PCCA: variants seen among roughly 807,000 people sequenced by gnomAD.
The protein encoded by PCCA is propionyl-CoA carboxylase subunit alpha.
In PCCA, 74 loss-of-function variants were observed where a neutral mutation model predicts 101.3. The observed-to-expected ratio is 0.73, with a 90% confidence interval of 0.61 to 0.89. PCCA has a LOEUF of 0.89. Among genes scored for constraint, PCCA ranks in the 40% least tolerant of loss-of-function variants. The probability of loss-of-function intolerance (pLI) is 0.00; values close to 1 mark genes in which losing one functional copy is unlikely to be tolerated. For missense variants in PCCA, 891 were observed against 907.0 expected (o/e 0.98, Z 0.23); for synonymous variants, 294 against 313.6 (o/e 0.94, Z 0.66).
chr13:100,506,516 G>C (rs1343913633), intron 21 of PCCA, among the ~76,000 whole-genome samples: 1 of 152,060 alleles, frequency 6.6e-6, no homozygotes, highest in Non-Finnish European at 1.5e-5. Context: ...CTGAATTTCT[G>C]TCCCATAAAG....
Position 100,252,053 on chromosome 13 carries a change from C to T in PCCA, c.638-5542C>T, listed in dbSNP as rs542696906. ...TTTACATTAGAGGAGCACAAAGAAA[C>T]GAAACAAAGCAATGCGTACTATCTA... On this transcript the variant is annotated intron_variant, in intron 8 of 23. Transcript: ENST00000376285. 4.6e-5 allele frequency among the ~76,000 whole-genome samples: 7 copies of T among 152,262 alleles called. No individual in the cohort carries two copies. In the South Asian group the frequency reaches 8.3e-4, roughly 18 times the overall value.
chr13:100,316,129 G>C (rs995652955), intron 16 of PCCA, among the ~76,000 whole-genome samples: 4 of 152,148 alleles, frequency 2.6e-5, no homozygotes, highest in African/African-American at 9.7e-5. Context: ...GGAACAGTTA[G>C]TCGAGGCATA....
intron 20 of PCCA, among the ~76,000 whole-genome samples, chr13:100,432,401 A>C (rs2079622660): frequency 1.3e-5 from 2 of 152,176 alleles, no homozygotes; most frequent in Non-Finnish European, 1.5e-5. Context: ...TTTTTTGTTA[A>C]TCTTCTGGAA....
At chr13:100,482,487 C>A (rs1339976070) in intron 21 of PCCA, among the ~76,000 whole-genome samples, 3 of 152,160 alleles carry the variant, frequency 2.0e-5, no homozygotes, top group Non-Finnish European at 4.4e-5. Context: ...AGAGAGGGAA[C>A]CAAGGATGGG....
chr13:100,283,511 C>G (rs1378587742), intron 12 of PCCA, among the ~76,000 whole-genome samples: 3 of 152,204 alleles, frequency 2.0e-5, no homozygotes, highest in Non-Finnish European at 2.9e-5. Context: ...AAAATATACT[C>G]CCCTGTCACC....
rs182195673 is a variant in PCCA, at chr13:100,463,608, T to C, written c.1899+14303T>C. Among the ~76,000 whole-genome samples the C allele has an allele frequency of 5.5e-3, 837 of 152,184 alleles. 5 individuals are homozygous for C. The highest frequency in any genetic ancestry group is 7.9e-3 in the Non-Finnish European group (536 of 68,012). On this transcript the variant is annotated intron_variant, in intron 21 of 23. Coordinates refer to ENST00000376285, the MANE Select transcript of PCCA (RefSeq NM_000282.4). ...GAAATGCCAAGAGACATCTATGATA[T>C]AAGGGAAATTTCTGGTCTGGAGAGC...
intron 4 of PCCA, among the ~76,000 whole-genome samples, chr13:100,151,768 CAT>C (rs2053356181): frequency 6.6e-6 from 1 of 152,154 alleles, no homozygotes; most frequent in Non-Finnish European, 1.5e-5. Flanking sequence ...CTTTTTGAAA[CAT>C]ATAGCCAGTA....
intron 21 of PCCA, 109 bp from the exon 22 acceptor site, chr13:100,515,318 C>G: frequency 1.1e-6 from 1 of 932,298 alleles, no homozygotes; most frequent in Non-Finnish European, 1.7e-6. Context: ...ATTTAAGGCT[C>G]TTACTGTAAT....
intron 20 of PCCA, 110 bp downstream of exon 20, chr13:100,425,841 A>T: frequency 1.3e-6 from 1 of 744,256 alleles, no homozygotes; most frequent in East Asian, 2.6e-5. Flanking sequence ...TATTTTATTC[A>T]CCTTATACTT....
In PCCA at chr13:100,189,411, GA is replaced by G. The variant is rs1276084948; in HGVS notation, c.469-19919del. Among the ~76,000 whole-genome samples, 6 of 152,284 alleles carry G rather than the reference GA, an allele frequency of 3.9e-5. No individual in the cohort carries two copies. The South Asian group carries it at 8.3e-4, about 21-fold the overall frequency. On this transcript the variant is annotated intron_variant, in intron 6 of 23. Transcript: ENST00000376285. ...TCCTTTGAGTATATGCCCAGTAATG[GA>G]ATTGCTGCTTAGCCTACTTTTTGAT...
intron 7 of PCCA, among the ~76,000 whole-genome samples, chr13:100,226,116 A>C (rs2060133211): frequency 6.6e-6 from 1 of 152,186 alleles, no homozygotes; most frequent in East Asian, 1.9e-4. Flanking sequence ...ATATTAAAAC[A>C]GAAAGAATCT....
chr13:100,301,707 A>G (rs2066074256), intron 13 of PCCA, 104 bp downstream of exon 13: 4 of 1,273,952 alleles, frequency 3.1e-6, no homozygotes, highest in Admixed American at 1.7e-5. Flanking sequence ...TAATGTTGCC[A>G]ACTATTGGAT....
intron 12 of PCCA, among the ~76,000 whole-genome samples, chr13:100,289,024 A>G (rs2064919461): frequency 6.6e-6 from 1 of 152,170 alleles, no homozygotes; most frequent in Non-Finnish European, 1.5e-5. Flanking sequence ...ATCAGACATT[A>G]TATAAATTCA....
At chr13:100,405,039 A>T (rs149851338) in intron 19 of PCCA, among the ~76,000 whole-genome samples, 1 of 152,140 alleles carries the variant, frequency 6.6e-6, no homozygotes, top group East Asian at 1.9e-4. Context: ...TCCTTACCAT[A>T]AGTGGAATAC....
At chr13:100,232,120 C>G (rs2060509237) in intron 7 of PCCA, among the ~76,000 whole-genome samples, 1 of 152,110 alleles carries the variant, frequency 6.6e-6, no homozygotes, top group South Asian at 2.1e-4. Context: ...GACTGTGTAC[C>G]AAATCCCATA....
chr13:100,171,024 G>T (rs904215269), intron 6 of PCCA, among the ~76,000 whole-genome samples: 2 of 152,130 alleles, frequency 1.3e-5, no homozygotes, highest in Non-Finnish European at 2.9e-5. Context: ...ATTCTCTGAG[G>T]ATTGTGCAGT....
intron 4 of PCCA, among the ~76,000 whole-genome samples, chr13:100,129,156 A>G (rs1354581985): frequency 2.6e-5 from 4 of 152,066 alleles, no homozygotes; most frequent in Non-Finnish European, 5.9e-5. Flanking sequence ...TCTTTCTTTC[A>G]TTTCTCATTT....
At chr13:100,223,806 A>G (rs1341661716) in intron 7 of PCCA, among the ~76,000 whole-genome samples, 1 of 152,186 alleles carries the variant, frequency 6.6e-6, no homozygotes, top group Non-Finnish European at 1.5e-5. Flanking sequence ...TTAGCTAGAT[A>G]CAGAGTGTCA....
chr13:100,257,946 A>G (rs577583372), intron 9 of PCCA, among the ~76,000 whole-genome samples: 2 of 152,180 alleles, frequency 1.3e-5, no homozygotes, highest in South Asian at 4.1e-4. Context: ...TAAAAATTAC[A>G]GTCAGGATTC....
Sources: gnomAD v4.1 joint callset for allele counts (sites outside exome capture counted in the v4.1 genomes callset) on GRCh38, gnomAD v4.1.1 for gene constraint, MANE v1.5 for transcripts, NCBI Gene and HGNC (gene_info 2026-07-23, HGNC 2026-07-21) for gene names.